The following TMX3 variants were observed in gnomAD, a reference collection of about 807,000 sequenced individuals.
The protein encoded by TMX3 is thioredoxin related transmembrane protein 3.
In TMX3, 40 loss-of-function variants were observed where a neutral mutation model predicts 64.4. The observed-to-expected ratio is 0.62, with a 90% CI of 0.48 to 0.81. The LOEUF is 0.81. Ranked by LOEUF, TMX3 falls within the 30% of genes least tolerant of loss-of-function variation. The pLI is 0.00. For synonymous variants in TMX3, 189 were observed against 175.7 expected, an observed-to-expected ratio of 1.08 and a Z score of -0.60; for missense variants, 497 against 534.5, an observed-to-expected ratio of 0.93 and a Z score of 0.69.
At chr18:68,711,023 G>A (rs943912668) in intron 3 of TMX3, among the ~76,000 whole-genome samples, 3 of 152,010 alleles carry the variant, frequency 2.0e-5, no homozygotes, top group Non-Finnish European at 2.9e-5. Flanking sequence ...CAATCTCTTG[G>A]AAACTATCAA....
intron 3 of TMX3, among the ~76,000 whole-genome samples, 162 bp from the exon 4 acceptor site, chr18:68,710,306 G>T (rs991669669): frequency 2.6e-5 from 4 of 152,054 alleles, no homozygotes; most frequent in African/African-American, 7.2e-5. Context: ...GATACATAAT[G>T]AAAGATCAAA....
chr18:68,697,888 A>T, intron 7 of TMX3, 44 bp downstream of exon 7: 2 of 1,279,094 alleles, frequency 1.6e-6, no homozygotes, highest in Non-Finnish European at 2.3e-6. Context: ...AGAGTAAATT[A>T]AATTACAATA....
At chr18:68,697,577 C>T (rs1373653364) in intron 7 of TMX3, 2 of 333,654 alleles carry the variant, frequency 6.0e-6, no homozygotes, top group Non-Finnish European at 1.1e-5. Context: ...ATAAATTAGA[C>T]AAAATGATGG....
chr18:68,698,697 G>GT (rs1915354326), intron 6 of TMX3, among the ~76,000 whole-genome samples: 1 of 151,986 alleles, frequency 6.6e-6, no homozygotes, highest in Non-Finnish European at 1.5e-5. Context: ...GTTATTAAGC[G>GT]TGTCAATTAT....
At position 68,677,021 on chromosome 18, in the gene TMX3, CTCTCT is replaced by C. The variant is rs1374824494; in HGVS notation, c.1272_1276del (p.Glu425GlnfsTer44). The C allele has an allele frequency of 1.9e-6, 3 of 1,613,804 alleles. No homozygotes were observed. The highest frequency in any genetic ancestry group is 2.5e-6 in the Non-Finnish European group (3 of 1,179,812). ...ACTGCTGGGCTCCTGCTGTTCTTTG[CTCTCT>C]TCTATCTGTTCTTGGTTTTCATTTT... On this transcript the variant is annotated frameshift_variant, in exon 16 of 16. Coordinates refer to ENST00000299608, the MANE Select transcript of TMX3 (RefSeq NM_019022.5). LOFTEE classifies it low-confidence loss of function (END_TRUNC).
chr18:68,708,033 GTGTATATATGTGTATATATA>G (rs1369109851), intron 4 of TMX3, among the ~76,000 whole-genome samples: 4 of 131,266 alleles, frequency 3.0e-5, no homozygotes, highest in African/African-American at 1.2e-4. Context: ...ATGTGTATAT[GTGTATATATGTGTATATATA>G]TGTGTATATA....
chr18:68,686,869 C>A lies in TMX3; in HGVS notation c.736+798G>T, dbSNP rs146574236. The stretch of plus-strand genomic sequence containing the variant: ...AGCTCAGGAACAGAACAGAAATATC[C>A]CCCAAAACGTTACAAACAGGAGAAC... On this transcript the variant is annotated intron_variant, in intron 10 of 15. Transcript: ENST00000299608. 3.2e-4 allele frequency: 314 copies of A among 985,090 alleles called. 3 individuals carry two copies. In the Middle Eastern group the frequency reaches 8.4e-3, roughly 26 times the overall value. The allele number at this position is 985,090 out of a possible 1,614,324, so 61.0% of individuals were successfully genotyped here.
In TMX3 at chr18:68,684,179, T is replaced by C; in HGVS notation, c.848+11A>G. 2.5e-6 allele frequency: 4 copies of C among 1,593,926 alleles called. No individual in the cohort carries two copies. Among genetic ancestry groups the C allele is most frequent in the Non-Finnish European group, 3.4e-6 (4 of 1,168,518 alleles). On this transcript the variant is annotated intron_variant, in intron 12 of 15. Coordinates refer to ENST00000299608, the MANE Select transcript of TMX3 (RefSeq NM_019022.5). ...AAAAATAAAGGAATCTCTCAGAATA[T>C]AAGCACCTACCTATGGAAGAGGTCT... is the stretch of plus-strand genomic sequence containing the variant.
At position 68,675,224 on chromosome 18, in the gene TMX3, A is replaced by G. The variant is rs1385949803; in HGVS notation, c.*1709T>C. 1 of 152,138 alleles carries G rather than the reference A, an allele frequency of 6.6e-6. No individual in the cohort carries two copies. The highest frequency in any genetic ancestry group is 1.5e-5 in the Non-Finnish European group (1 of 68,000). The allele number at this position is 152,138 out of a possible 1,614,324, so 9.4% of individuals were successfully genotyped here. A position where few individuals can be genotyped will look rare whatever the true frequency, so the allele number is the denominator to read the frequency against. The stretch of plus-strand genomic sequence containing the variant: ...ACATTTATCTTCCCAAGAATCACTC[A>G]TCATTCTTTGGAGAAGAATCTACTT... On this transcript the variant is annotated 3_prime_UTR_variant, in exon 16 of 16. Transcript: ENST00000299608.
At chr18:68,708,229 A>C (rs1214631607) in intron 4 of TMX3, among the ~76,000 whole-genome samples, 2 of 152,032 alleles carry the variant, frequency 1.3e-5, no homozygotes, top group Non-Finnish European at 2.9e-5. Context: ...AATTTCTGCC[A>C]TTTATCTCTT....
chr18:68,696,468 G>T (rs553027296), intron 8 of TMX3, among the ~76,000 whole-genome samples: 1 of 151,084 alleles, frequency 6.6e-6, no homozygotes, highest in African/African-American at 2.4e-5. Flanking sequence ...CACTGGGCCC[G>T]GCCTTAATTA....
At chr18:68,686,858 AC>A in intron 10 of TMX3, 2 of 985,400 alleles carry the variant, frequency 2.0e-6, no homozygotes, top group Non-Finnish European at 2.4e-6. Flanking sequence ...CAGGAACAGA[AC>A]AGAAATATCC....
At chr18:68,710,212 T>G (rs2031137274) in intron 3 of TMX3, 68 bp from the exon 4 acceptor site, 2 of 1,307,438 alleles carry the variant, frequency 1.5e-6, no homozygotes, top group South Asian at 3.9e-5. Context: ...ACAGTAAATA[T>G]GAATCTTAAT....
At chr18:68,690,316 C>A (rs930344552) in intron 9 of TMX3, among the ~76,000 whole-genome samples, 3 of 151,952 alleles carry the variant, frequency 2.0e-5, no homozygotes, top group African/African-American at 7.3e-5. Flanking sequence ...TTCGTGAGAA[C>A]AAGAAATTGA....
chr18:68,696,076 T>C (rs1450325061), intron 8 of TMX3, among the ~76,000 whole-genome samples: 1 of 152,214 alleles, frequency 6.6e-6, no homozygotes, highest in Non-Finnish European at 1.5e-5. Context: ...TCAAGTATTT[T>C]CTTGAGACAA....
At chr18:68,712,436 G>C (rs1317706423) in intron 2 of TMX3, among the ~76,000 whole-genome samples, 1 of 152,154 alleles carries the variant, frequency 6.6e-6, no homozygotes, top group East Asian at 1.9e-4. Context: ...GATCCTGTCT[G>C]AATTTCCATG....
chr18:68,701,719 A>G (rs2030094894), intron 5 of TMX3, 26 bp downstream of exon 5: 1 of 1,611,308 alleles, frequency 6.2e-7, no homozygotes. Flanking sequence ...AAAAATACAC[A>G]TATAAACATA....
chr18:68,713,809 TTAAAA>T lies in TMX3; in HGVS notation c.101+32_101+36del, dbSNP rs1182002735. 1.1e-5 allele frequency: 12 copies of T among 1,102,904 alleles called. 1 individual carries two copies. Among genetic ancestry groups the T allele is most frequent in the Non-Finnish European group, 1.4e-5 (11 of 805,490 alleles). 68.3% of individuals were successfully genotyped at this position (1,102,904 alleles called of 1,614,324 possible). A position where few individuals can be genotyped will look rare whatever the true frequency, so the allele number is the denominator to read the frequency against. ...ATATTCAGATATCTGAGTTGGACAG[TTAAAA>T]TAATATTTTAAATATATATATGTAT... On this transcript the variant is annotated intron_variant, in intron 2 of 15. Coordinates refer to ENST00000299608, the MANE Select transcript of TMX3 (RefSeq NM_019022.5).
intron 14 of TMX3, 111 bp from the exon 15 acceptor site, chr18:68,679,642 A>C (rs1913234340): frequency 1.2e-6 from 1 of 822,646 alleles, no homozygotes; most frequent in Non-Finnish European, 1.9e-6. Context: ...AATATTACAT[A>C]ATCACCTGAA....
Sources: allele counts gnomAD v4.1 joint callset (sites outside exome capture counted in the v4.1 genomes callset), GRCh38; gene constraint gnomAD v4.1.1; transcripts MANE v1.5; gene names NCBI Gene and HGNC (gene_info 2026-07-23, HGNC 2026-07-21).